ZDHHC6: variants seen among roughly 807,000 people sequenced by gnomAD.
ZDHHC6 encodes zDHHC palmitoyltransferase 6.
A neutral mutation model predicts 57.8 loss-of-function variants in ZDHHC6; 32 were observed. The ratio of observed to expected loss-of-function variants is 0.55; its 90% CI spans 0.42 to 0.74. The LOEUF is 0.74. Ranked by LOEUF, ZDHHC6 falls within the 30% of genes least tolerant of loss-of-function variation. The pLI is 0.00. For missense variants in ZDHHC6, 433 were observed against 500.7 expected, an observed-to-expected ratio of 0.86 and a Z score of 1.29; for synonymous variants, 128 against 158.0, an observed-to-expected ratio of 0.81 and a Z score of 1.42.
exon 12 of ZDHHC6, chr10:112,425,092 G>A (rs189695555): frequency 3.2e-6 from 1 of 308,516 alleles, no homozygotes; most frequent in African/African-American, 2.1e-5. Flanking sequence ...AACTCCAGTA[G>A]ATCCAGGAGA....
exon 12 of ZDHHC6, chr10:112,424,597 T>G (rs1181807246): frequency 6.6e-6 from 1 of 152,230 alleles, no homozygotes; most frequent in Non-Finnish European, 1.5e-5. Flanking sequence ...TTTCAGATAA[T>G]GAACGTTAGG....
chr10:112,429,965 TTGGGGGGGGGGTG>T (rs1026387617), downstream of ZDHHC6, among the ~76,000 whole-genome samples: 23 of 40,508 alleles, frequency 5.7e-4, no homozygotes, highest in African/African-American at 1.9e-3. Context: ...CAAGCAGTTG[TTGGGGGGGGGGTG>T]TGGGGGGGGT....
In ZDHHC6 at chr10:112,430,640, C is replaced by T. The variant is rs939318309; in HGVS notation, c.*164G>A. 4.1e-5 allele frequency: 23 copies of T among 564,648 alleles called. No homozygotes were observed. Among genetic ancestry groups the T allele is most frequent in the African/African-American group, 2.8e-4 (15 of 52,642 alleles). 35.0% of individuals were successfully genotyped at this position (564,648 alleles called of 1,614,324 possible). A position where few individuals can be genotyped will look rare whatever the true frequency, so the allele number is the denominator to read the frequency against. On this transcript the variant is annotated 3_prime_UTR_variant, in exon 11 of 11. Transcript: ENST00000369405. ...TTCAAAGGCATATGCAGAATGGCTT[C>T]TCCATTTCAAAATGGTAATAAAAAT...
intron 10 of ZDHHC6, 90 bp from the exon 11 acceptor site, chr10:112,430,997 A>T: frequency 9.4e-7 from 1 of 1,062,946 alleles, no homozygotes; most frequent in Non-Finnish European, 1.4e-6. Flanking sequence ...TCAAATTAAT[A>T]AGCTTGTAGT....
chr10:112,436,654 T>C (rs1845562323), intron 6 of ZDHHC6, among the ~76,000 whole-genome samples: 1 of 152,194 alleles, frequency 6.6e-6, no homozygotes, highest in South Asian at 2.1e-4. Flanking sequence ...TGAAATGTTA[T>C]TTGTCTTTTT....
At chr10:112,426,642 A>G (rs549825287), downstream of ZDHHC6, 5 of 700,866 alleles carry the variant, frequency 7.1e-6, no homozygotes, top group South Asian at 3.8e-5. Context: ...TTTTCTTTCA[A>G]TATTGGGCAT....
At chr10:112,447,096 C>T, upstream of ZDHHC6, 1 of 459,430 alleles carries the variant, frequency 2.2e-6, no homozygotes, top group Non-Finnish European at 4.0e-6. Context: ...TTTTCATACG[C>T]TTTTCTGGGG....
intron 2 of ZDHHC6, among the ~76,000 whole-genome samples, chr10:112,444,394 CTTTATAG>C (rs1000384943): frequency 2.0e-5 from 3 of 152,204 alleles, no homozygotes; most frequent in African/African-American, 7.2e-5. Flanking sequence ...TCACGTTCTA[CTTTATAG>C]TTTAGTGATT....
rs1846819847 is a variant in ZDHHC6 at position 112,446,871 on chromosome 10, C to CT, written c.-382dup. Reference sequence around the variant, plus strand: ...GCGAGAGGCTGGAGTGCGGGACCTGCTACAAGCCGAGCACCTCTCGGCCAG... The same window carrying CT: ...GCGAGAGGCTGGAGTGCGGGACCTGCTTACAAGCCGAGCACCTCTCGGCCAG... On this transcript the variant is annotated 5_prime_UTR_variant, in exon 1 of 11. Coordinates refer to ENST00000369405, the MANE Select transcript of ZDHHC6 (RefSeq NM_022494.3). 5.4e-6 allele frequency: 1 copy of CT among 183,934 alleles called. No homozygotes were observed. The highest frequency in any genetic ancestry group is 1.7e-4 in the South Asian group (1 of 5,902). The allele number at this position is 183,934 out of a possible 1,614,324, so 11.4% of individuals were successfully genotyped here.
chr10:112,446,592 G>T (rs1188954500), intron 1 of ZDHHC6, 113 bp downstream of exon 1: 1 of 152,180 alleles, frequency 6.6e-6, no homozygotes, highest in African/African-American at 2.4e-5. Context: ...CTCACCCAAG[G>T]AAGAAATATC....
downstream of ZDHHC6, among the ~76,000 whole-genome samples, chr10:112,429,969 G>C (rs1267996912): frequency 6.6e-6 from 1 of 151,350 alleles, no homozygotes; most frequent in South Asian, 2.1e-4. Context: ...CAGTTGTTGG[G>C]GGGGGGGTGT....
At chr10:112,432,123 C>G in intron 10 of ZDHHC6, 117 bp downstream of exon 10, 1 of 966,150 alleles carries the variant, frequency 1.0e-6, no homozygotes. Context: ...GTGATATACC[C>G]TTCTATGCAG....
chr10:112,433,185 A>G, intron 8 of ZDHHC6, 55 bp downstream of exon 8: 1 of 1,431,928 alleles, frequency 7.0e-7, no homozygotes, highest in Non-Finnish European at 9.4e-7. Context: ...AACTGTATGG[A>G]AGTACAGAGC....
chr10:112,431,266 T>G (rs1589716260), intron 10 of ZDHHC6, among the ~76,000 whole-genome samples: 2 of 152,176 alleles, frequency 1.3e-5, no homozygotes, highest in Admixed American at 6.5e-5. Context: ...ACTATCTTCT[T>G]GTAGTCTTTG....
downstream of ZDHHC6, chr10:112,426,659 T>G (rs2133694077): frequency 3.8e-6 from 3 of 787,484 alleles, no homozygotes; most frequent in Non-Finnish European, 4.3e-6. Flanking sequence ...GCATATAATG[T>G]GCTTGTGCAT....
intron 2 of ZDHHC6, among the ~76,000 whole-genome samples, chr10:112,443,855 T>C (rs1298384800): frequency 6.6e-6 from 1 of 152,178 alleles, no homozygotes; most frequent in Non-Finnish European, 1.5e-5. Context: ...GTGTCACTAG[T>C]TGGTTCTACT....
intron 1 of ZDHHC6, among the ~76,000 whole-genome samples, chr10:112,445,877 GTTT>G (rs1165361187): frequency 1.3e-5 from 2 of 152,182 alleles, no homozygotes; most frequent in Non-Finnish European, 2.9e-5. Flanking sequence ...TTCCAAAATA[GTTT>G]TTTTTATTCC....
downstream of ZDHHC6, chr10:112,425,649 A>G: frequency 1.7e-6 from 1 of 582,582 alleles, no homozygotes; most frequent in South Asian, 4.1e-5. Flanking sequence ...AGGCAATTTC[A>G]ATTTAAAAAA....
chr10:112,437,914 T>C (rs140900933), intron 6 of ZDHHC6, among the ~76,000 whole-genome samples: 126 of 152,304 alleles, frequency 8.3e-4, no homozygotes, highest in African/African-American at 2.9e-3. Context: ...GTATGAAGTA[T>C]TGGACATTGT....
Sources: gnomAD v4.1 joint callset for allele counts (sites outside exome capture counted in the v4.1 genomes callset) on GRCh38, gnomAD v4.1.1 for gene constraint, MANE v1.5 for transcripts, NCBI Gene and HGNC (gene_info 2026-07-23, HGNC 2026-07-21) for gene names.